Variants in KLHDC1 observed in about 807,000 individuals in gnomAD.
The protein encoded by KLHDC1 is kelch domain-containing protein 1.
Under a neutral mutation model 68.3 loss-of-function variants are expected in KLHDC1, and 53 were observed. The observed-to-expected ratio is 0.78, with a 90% CI of 0.62 to 0.98. KLHDC1 has a LOEUF of 0.98. KLHDC1 is among the 50% of genes least tolerant of loss of function. The pLI, the probability that KLHDC1 is intolerant of heterozygous loss-of-function variation, is 0.00. For missense variants in KLHDC1, 470 were observed against 492.3 expected, an observed-to-expected ratio of 0.95 and a Z score of 0.43; for synonymous variants, 148 against 159.0, an observed-to-expected ratio of 0.93 and a Z score of 0.52.
At chr14:49,693,375 G>C in intron 1 of KLHDC1, 85 bp downstream of exon 1, 1 of 1,037,876 alleles carries the variant, frequency 9.6e-7, no homozygotes, top group Admixed American at 4.3e-5. Context: ...ACCCGCTCCC[G>C]AGGCTGCGGC....
chr14:49,694,866 C>CA (rs1887688425), intron 1 of KLHDC1, among the ~76,000 whole-genome samples: 1 of 152,068 alleles, frequency 6.6e-6, no homozygotes, highest in East Asian at 1.9e-4. Flanking sequence ...AACAAAAAAA[C>CA]AAAAAACTGT....
At chr14:49,740,897 C>G (rs1889049662) in intron 11 of KLHDC1, among the ~76,000 whole-genome samples, 1 of 151,984 alleles carries the variant, frequency 6.6e-6, no homozygotes, top group South Asian at 2.1e-4. Context: ...GAGTTCGAGA[C>G]CAGCCTGGCC....
intron 1 of KLHDC1, among the ~76,000 whole-genome samples, chr14:49,697,777 T>C (rs1170933592): frequency 2.6e-5 from 4 of 152,240 alleles, no homozygotes; most frequent in Admixed American, 6.5e-5. Context: ...ACATCTGGCA[T>C]GTGCTAGTTA....
chr14:49,733,890 C>G (rs1013031208), intron 9 of KLHDC1, among the ~76,000 whole-genome samples: 2 of 152,050 alleles, frequency 1.3e-5, no homozygotes, highest in Non-Finnish European at 2.9e-5. Flanking sequence ...CAGACAAATT[C>G]CAGAGGTTAG....
At chr14:49,718,769 C>CA (rs1888444872) in intron 4 of KLHDC1, among the ~76,000 whole-genome samples, 1 of 76,846 alleles carries the variant, frequency 1.3e-5, no homozygotes. Flanking sequence ...TTCTTTCTTT[C>CA]TTTTTTTTTT....
chr14:49,696,375 A>G (rs1363794229), intron 1 of KLHDC1, among the ~76,000 whole-genome samples: 1 of 151,840 alleles, frequency 6.6e-6, no homozygotes, highest in Non-Finnish European at 1.5e-5. Context: ...TAACTTTTGT[A>G]TTTTCACCAT....
At position 49,725,766 on chromosome 14, in the gene KLHDC1, T is replaced by C. The variant is rs753969866; in HGVS notation, c.564T>C (p.Ile188=). 5 of 1,514,608 alleles carry C rather than the reference T, an allele frequency of 3.3e-6. No homozygotes were observed. The African/African-American group carries it at 6.9e-5, about 21-fold the overall frequency. 93.8% of individuals were successfully genotyped at this position (1,514,608 alleles called of 1,614,324 possible). The part of the protein sequence containing the change: ...TKTQTWFQPE[I]KGGVPPQPRA... ...CACAGACTTGGTTTCAACCAGAAATTAAAGTAAGTGTGGTAAAAAGTCATC... is the reference window on the plus strand; with the variant it reads ...CACAGACTTGGTTTCAACCAGAAATCAAAGTAAGTGTGGTAAAAAGTCATC... The change falls in exon 6 of 13, where the codon ATT becomes ATC. Residue 188 remains isoleucine (I), a synonymous_variant. Coordinates refer to ENST00000359332, the MANE Select transcript of KLHDC1 (RefSeq NM_172193.3).
chr14:49,751,687 T>A lies in KLHDC1; in HGVS notation c.1136T>A (p.Phe379Tyr), dbSNP rs1367507932. 1.9e-6 allele frequency: 3 copies of A among 1,608,692 alleles called. No homozygotes were observed. The highest frequency in any genetic ancestry group is 2.5e-6 in the Non-Finnish European group (3 of 1,176,772). ...LLQQVLKKITFWAAANHREEQ... is the reference protein window; with the variant it reads ...LLQQVLKKITYWAAANHREEQ... ...CAACAAGTACTCAAAAAAATAACATTTTGGGCTGCAGCTAATCACCGAGAA... is the reference window on the plus strand; with the variant it reads ...CAACAAGTACTCAAAAAAATAACATATTGGGCTGCAGCTAATCACCGAGAA... Residue 379 changes from phenylalanine to tyrosine, a missense_variant, in exon 13 of 13, where the codon TTT becomes TAT. Transcript: ENST00000359332.
At chr14:49,693,895 C>T (rs866109607) in intron 1 of KLHDC1, among the ~76,000 whole-genome samples, 46 of 151,134 alleles carry the variant, frequency 3.0e-4, no homozygotes, top group African/African-American at 8.0e-4. Flanking sequence ...CTGGGCTTAC[C>T]GGCATGTGCC....
At chr14:49,723,087 CAAAAAAAAA>C (rs144318637) in intron 4 of KLHDC1, among the ~76,000 whole-genome samples, 3 of 54,754 alleles carry the variant, frequency 5.5e-5, no homozygotes, top group Non-Finnish European at 9.4e-5. Flanking sequence ...GACTCTGTCT[CAAAAAAAAA>C]AAAAAAAAAA....
At chr14:49,738,029 T>C (rs955882820) in intron 10 of KLHDC1, among the ~76,000 whole-genome samples, 7 of 151,994 alleles carry the variant, frequency 4.6e-5, no homozygotes, top group Non-Finnish European at 8.8e-5. Flanking sequence ...AGTATTTGGG[T>C]TTTTTTGTTT....
intron 1 of KLHDC1, among the ~76,000 whole-genome samples, chr14:49,694,356 C>T (rs1366919630): frequency 6.6e-6 from 1 of 151,942 alleles, no homozygotes; most frequent in Non-Finnish European, 1.5e-5. Context: ...TTCTGTCTCC[C>T]TACCATTATG....
chr14:49,727,745 T>A (rs562640114), intron 6 of KLHDC1, among the ~76,000 whole-genome samples: 2 of 152,314 alleles, frequency 1.3e-5, no homozygotes, highest in African/African-American at 4.8e-5. Context: ...CATTTAAGTG[T>A]TATATAGGTA....
chr14:49,727,875 C>G (rs938484771), intron 6 of KLHDC1, among the ~76,000 whole-genome samples: 2 of 152,094 alleles, frequency 1.3e-5, no homozygotes, highest in African/African-American at 4.8e-5. Flanking sequence ...CTTTGAGTAG[C>G]CAGTGAGCTG....
intron 10 of KLHDC1, 59 bp from the exon 11 acceptor site, chr14:49,740,039 T>C (rs1889022419): frequency 1.1e-6 from 1 of 892,908 alleles, no homozygotes; most frequent in Non-Finnish European, 1.8e-6. Context: ...TTGATTTATA[T>C]ATAATGTACA....
intron 1 of KLHDC1, among the ~76,000 whole-genome samples, chr14:49,703,587 C>T (rs894794193): frequency 6.6e-6 from 1 of 152,158 alleles, no homozygotes; most frequent in African/African-American, 2.4e-5. Flanking sequence ...AGGTGATCCA[C>T]CCACCTCAGC....
chr14:49,713,704 G>C (rs1888268709), intron 4 of KLHDC1, among the ~76,000 whole-genome samples: 1 of 148,572 alleles, frequency 6.7e-6, no homozygotes, highest in Non-Finnish European at 1.5e-5. Context: ...TGGCCAACAT[G>C]ACAAAACCCC....
rs1253685178 is a variant in KLHDC1, at chr14:49,728,420, AAGAG to A, written c.568-499_568-496del. 2.6e-5 allele frequency among the ~76,000 whole-genome samples: 4 copies of A among 152,250 alleles called. No homozygotes were observed. The East Asian group carries it at 5.8e-4, about 22-fold the overall frequency. On this transcript the variant is annotated intron_variant, in intron 6 of 12. Coordinates refer to ENST00000359332, the MANE Select transcript of KLHDC1 (RefSeq NM_172193.3). The stretch of plus-strand genomic sequence containing the variant: ...ATCAATTAATGTTAAGAGTTTTAGT[AAGAG>A]AGAGAGCACTGTCTGGCTTAAGCCA...
intron 4 of KLHDC1, among the ~76,000 whole-genome samples, chr14:49,719,634 C>G (rs2139748457): frequency 6.6e-6 from 1 of 151,918 alleles, no homozygotes; most frequent in Non-Finnish European, 1.5e-5. Flanking sequence ...GACAGGGTTT[C>G]ACTATGTTGG....
Sources: gnomAD v4.1 joint callset for allele counts (sites outside exome capture counted in the v4.1 genomes callset) on GRCh38, gnomAD v4.1.1 for gene constraint, MANE v1.5 for transcripts, NCBI Gene and HGNC (gene_info 2026-07-23, HGNC 2026-07-21) for gene names.